KIAA1549L: variants seen among roughly 807,000 people sequenced by gnomAD.
KIAA1549L encodes the protein UPF0606 protein KIAA1549L.
In KIAA1549L, 88 loss-of-function variants were observed where a neutral mutation model predicts 160.7. The ratio of observed to expected loss-of-function variants is 0.55; its 90% CI spans 0.46 to 0.65. KIAA1549L has a LOEUF of 0.65. Ranked by LOEUF, KIAA1549L falls within the 30% of genes least tolerant of loss-of-function variation. The pLI is 0.00. For synonymous variants in KIAA1549L, 950 were observed against 976.7 expected, an observed-to-expected ratio of 0.97 and a Z score of 0.51; for missense variants, 2,258 against 2,437.5, an observed-to-expected ratio of 0.93 and a Z score of 1.55.
intron 1 of KIAA1549L, among the ~76,000 whole-genome samples, chr11:33,433,621 T>C (rs1207185914): frequency 6.6e-6 from 1 of 152,210 alleles, no homozygotes; most frequent in East Asian, 1.9e-4. Flanking sequence ...ATCATTCTGC[T>C]ATAAAGACAC....
At chr11:33,551,363 T>A (rs1854456926) in intron 5 of KIAA1549L, 104 bp downstream of exon 5, 1 of 975,924 alleles carries the variant, frequency 1.0e-6, no homozygotes, top group African/African-American at 1.6e-5. Context: ...TGTGTCATTT[T>A]TTAGTCCCTG....
intron 20 of KIAA1549L, chr11:33,665,198 A>G (rs549048946): frequency 7.9e-5 from 12 of 152,464 alleles, no homozygotes; most frequent in Admixed American, 5.2e-4. Context: ...AGAATAAGGT[A>G]TGCAGACACA....
At chr11:33,641,608 A>ATATATATATG (rs1564936891) in intron 16 of KIAA1549L, among the ~76,000 whole-genome samples, 45 of 32,206 alleles carry the variant, frequency 1.4e-3, no homozygotes, top group Non-Finnish European at 2.2e-3. Context: ...ATATATATAT[A>ATATATATATG]TATATATATA....
chr11:33,606,852 T>C, intron 14 of KIAA1549L, 30 bp downstream of exon 14: 1 of 1,557,908 alleles, frequency 6.4e-7, no homozygotes, highest in Non-Finnish European at 8.7e-7. Context: ...GGGCAGGAGA[T>C]GGTCCGGCCA....
At chr11:33,541,780 G>A (rs371003030) in intron 1 of KIAA1549L, 22 bp from the exon 2 acceptor site, 13 of 241,226 alleles carry the variant, frequency 5.4e-5, no homozygotes, top group South Asian at 1.6e-4. Context: ...AACACCTGAC[G>A]GCCTGATATT....
chr11:33,430,253 TCTCC>T (rs1294995042), intron 1 of KIAA1549L, among the ~76,000 whole-genome samples: 2 of 71,880 alleles, frequency 2.8e-5, no homozygotes, highest in East Asian at 4.2e-4. Flanking sequence ...TCCCTCCCTC[TCTCC>T]CTCCCTCCCT....
intron 12 of KIAA1549L, among the ~76,000 whole-genome samples, chr11:33,597,559 C>T (rs141686857): frequency 7.9e-5 from 12 of 152,286 alleles, no homozygotes; most frequent in South Asian, 2.1e-4. Flanking sequence ...GAACAGAGGC[C>T]GCTAGATACC....
At chr11:33,433,759 A>G (rs941879461) in intron 1 of KIAA1549L, among the ~76,000 whole-genome samples, 3 of 152,254 alleles carry the variant, frequency 2.0e-5, no homozygotes, top group Non-Finnish European at 4.4e-5. Flanking sequence ...CTATGCAGCC[A>G]TAAAAGGAAT....
At chr11:33,625,027 C>A (rs139596786) in intron 16 of KIAA1549L, among the ~76,000 whole-genome samples, 1 of 151,344 alleles carries the variant, frequency 6.6e-6, no homozygotes, top group African/African-American at 2.4e-5. Context: ...TTTGTTCTTG[C>A]GATAGTTTAC....
chr11:33,515,220 C>T (rs1254800379), intron 1 of KIAA1549L, among the ~76,000 whole-genome samples: 2 of 152,214 alleles, frequency 1.3e-5, no homozygotes, highest in African/African-American at 4.8e-5. Flanking sequence ...CAGCTAATAT[C>T]TCTTTCTCTT....
At chr11:33,464,564 C>G (rs1203476031) in intron 1 of KIAA1549L, among the ~76,000 whole-genome samples, 1 of 151,466 alleles carries the variant, frequency 6.6e-6, no homozygotes, top group African/African-American at 2.4e-5. Flanking sequence ...TAGCTGGGGC[C>G]TCTGAATTTT....
At chr11:33,631,382 G>A (rs540645266) in intron 16 of KIAA1549L, among the ~76,000 whole-genome samples, 6 of 152,234 alleles carry the variant, frequency 3.9e-5, no homozygotes, top group African/African-American at 1.2e-4. Context: ...GCATCACTCC[G>A]CCTGGAATCT....
intron 1 of KIAA1549L, among the ~76,000 whole-genome samples, chr11:33,381,946 G>C (rs561680806): frequency 1.3e-5 from 2 of 152,304 alleles, no homozygotes; most frequent in African/African-American, 4.8e-5. Context: ...AGCAGTTCAG[G>C]TTTGGGGTAA....
intron 1 of KIAA1549L, among the ~76,000 whole-genome samples, chr11:33,377,633 T>C (rs933559143): frequency 9.2e-5 from 14 of 152,228 alleles, no homozygotes; most frequent in African/African-American, 3.4e-4. Context: ...TAATGATTAC[T>C]GCCTGCACTT....
At chr11:33,383,573 T>C (rs1315573635) in intron 1 of KIAA1549L, among the ~76,000 whole-genome samples, 3 of 152,178 alleles carry the variant, frequency 2.0e-5, no homozygotes, top group African/African-American at 4.8e-5. Context: ...GCACCCAGCA[T>C]GTGTCAGGCC....
intron 1 of KIAA1549L, among the ~76,000 whole-genome samples, chr11:33,420,241 T>TGTTTGTTTGTTTG (rs1179059014): frequency 6.7e-6 from 1 of 149,274 alleles, no homozygotes; most frequent in African/African-American, 2.5e-5. Context: ...TTTTGTTTTT[T>TGTTTGTTTGTTTG]TTTTTTTTTT....
chr11:33,584,989 A>G (rs780942021), intron 11 of KIAA1549L, among the ~76,000 whole-genome samples: 13 of 152,178 alleles, frequency 8.5e-5, no homozygotes, highest in Non-Finnish European at 1.9e-4. Context: ...TTCTTTCTTG[A>G]TGATCACACC....
At chr11:33,558,329 G>A (rs762913466) in intron 6 of KIAA1549L, among the ~76,000 whole-genome samples, 4 of 152,158 alleles carry the variant, frequency 2.6e-5, no homozygotes, top group East Asian at 3.9e-4. Flanking sequence ...GCTGGGACCC[G>A]ATGGGGTGAG....
chr11:33,566,570 AC>A (rs1855055304), intron 8 of KIAA1549L, among the ~76,000 whole-genome samples: 1 of 152,094 alleles, frequency 6.6e-6, no homozygotes, highest in Non-Finnish European at 1.5e-5. Context: ...CTGCTTTTAT[AC>A]CCTCCAGGGG....
Sources: allele counts gnomAD v4.1 joint callset (sites outside exome capture counted in the v4.1 genomes callset), GRCh38; gene constraint gnomAD v4.1.1; transcripts MANE v1.5; gene names NCBI Gene and HGNC (gene_info 2026-07-23, HGNC 2026-07-21).